Variants in SLX4IP observed in about 807,000 individuals in gnomAD.
The protein encoded by SLX4IP is protein SLX4IP.
In SLX4IP, 34 loss-of-function variants were observed where a neutral mutation model predicts 32.9. That is an observed-to-expected ratio of 1.03 (90% confidence interval 0.79 to 1.38). The LOEUF is 1.38. Ranked by LOEUF, SLX4IP falls within the 40% of genes most tolerant of loss-of-function variation. SLX4IP has a pLI of 0.00. For synonymous variants in SLX4IP, 172 were observed against 171.7 expected, an observed-to-expected ratio of 1.00 and a Z score of -0.01; for missense variants, 444 against 479.0, an observed-to-expected ratio of 0.93 and a Z score of 0.68.
chr20:10,546,010 G>C (rs2066158831), intron 2 of SLX4IP, among the ~76,000 whole-genome samples: 1 of 152,144 alleles, frequency 6.6e-6, no homozygotes, highest in Non-Finnish European at 1.5e-5. Flanking sequence ...TTAATTCTTA[G>C]TTTAAAATCA....
chr20:10,527,420 C>T (rs1600965297), intron 2 of SLX4IP, among the ~76,000 whole-genome samples: 1 of 152,162 alleles, frequency 6.6e-6, no homozygotes, highest in East Asian at 1.9e-4. Context: ...TTCAAGCAGG[C>T]TTTTGGATGC....
chr20:10,495,650 A>G (rs1187865201), intron 2 of SLX4IP, among the ~76,000 whole-genome samples: 2 of 152,190 alleles, frequency 1.3e-5, no homozygotes, highest in Admixed American at 6.5e-5. Flanking sequence ...CTGCACTGCT[A>G]AGTATAAACA....
chr20:10,574,763 C>T (rs1177912880), intron 4 of SLX4IP, among the ~76,000 whole-genome samples: 1 of 152,116 alleles, frequency 6.6e-6, no homozygotes, highest in South Asian at 2.1e-4. Context: ...ACCACCACCT[C>T]CCAGGTTCAG....
chr20:10,624,514 T>C lies in SLX4IP; in HGVS notation c.*1135T>C, dbSNP rs1163828431. 6 of 152,050 alleles carry C rather than the reference T, an allele frequency of 3.9e-5. No homozygotes were observed. The highest frequency in any genetic ancestry group is 1.4e-4 in the African/African-American group (6 of 41,418). 9.4% of individuals were successfully genotyped at this position (152,050 alleles called of 1,614,324 possible). A position where few individuals can be genotyped will look rare whatever the true frequency, so the allele number is the denominator to read the frequency against. ...AGTTTCCAATAACCGAATTTCACTC[T>C]AAAAGAGGAAAGAAACAATATTCAA... On this transcript the variant is annotated 3_prime_UTR_variant, in exon 8 of 8. Coordinates refer to ENST00000334534, the MANE Select transcript of SLX4IP (RefSeq NM_001009608.3).
chr20:10,516,499 G>A (rs1439794522), intron 2 of SLX4IP, among the ~76,000 whole-genome samples: 2 of 152,310 alleles, frequency 1.3e-5, no homozygotes, highest in East Asian at 3.9e-4. Context: ...AGAAATTGCT[G>A]TGGGTTGGCA....
At chr20:10,599,305 T>C (rs1457273083) in intron 5 of SLX4IP, among the ~76,000 whole-genome samples, 2 of 152,216 alleles carry the variant, frequency 1.3e-5, no homozygotes, top group South Asian at 2.1e-4. Context: ...ACAATTTCAG[T>C]ATATATATAA....
intron 4 of SLX4IP, among the ~76,000 whole-genome samples, chr20:10,570,485 G>A (rs964070288): frequency 3.9e-5 from 6 of 152,070 alleles, no homozygotes; most frequent in Admixed American, 3.9e-4. Flanking sequence ...TCTGGGCATC[G>A]TGTACCAAGG....
intron 6 of SLX4IP, among the ~76,000 whole-genome samples, chr20:10,610,648 C>T (rs776410962): frequency 1.6e-4 from 25 of 152,216 alleles, no homozygotes; most frequent in Non-Finnish European, 3.5e-4. Flanking sequence ...TGCCTTTGGT[C>T]TCAGAACAAA....
chr20:10,586,525 TTATG>T (rs1350649211), intron 4 of SLX4IP, among the ~76,000 whole-genome samples: 1 of 152,196 alleles, frequency 6.6e-6, no homozygotes, highest in African/African-American at 2.4e-5. Context: ...GTTTGCTTAT[TTATG>T]TAAGGGTTCC....
rs561824592 is a variant in SLX4IP at position 10,571,004 on chromosome 20, A to G, written c.238+10184A>G. ...ATCACCATATCTGGCTATTTTTTTA[A>G]AAAAATTTTGCAGAGATGGAGTCTC... On this transcript the variant is annotated intron_variant, in intron 4 of 7. Transcript: ENST00000334534. Among the ~76,000 whole-genome samples the G allele has an allele frequency of 3.3e-5, 5 of 151,850 alleles. No individual in the cohort carries two copies. In the East Asian group the frequency reaches 9.8e-4, roughly 30 times the overall value.
chr20:10,445,319 T>TG (rs1475176585), intron 1 of SLX4IP, among the ~76,000 whole-genome samples: 1 of 145,156 alleles, frequency 6.9e-6, no homozygotes, highest in Non-Finnish European at 1.5e-5. Flanking sequence ...TTCTTTTTTT[T>TG]TTTTTTTTTT....
At chr20:10,471,557 T>G (rs1011310169) in intron 2 of SLX4IP, among the ~76,000 whole-genome samples, 3 of 152,204 alleles carry the variant, frequency 2.0e-5, no homozygotes, top group Admixed American at 1.3e-4. Context: ...CAGTTTATAC[T>G]TTGGGCTACA....
At chr20:10,444,024 G>T (rs1421459500) in intron 1 of SLX4IP, among the ~76,000 whole-genome samples, 1 of 152,154 alleles carries the variant, frequency 6.6e-6, no homozygotes, top group Non-Finnish European at 1.5e-5. Context: ...GTCTCAGGTA[G>T]TTCTTTATAG....
At chr20:10,564,362 C>G (rs576953214) in intron 4 of SLX4IP, among the ~76,000 whole-genome samples, 5 of 152,114 alleles carry the variant, frequency 3.3e-5, no homozygotes, top group Non-Finnish European at 7.4e-5. Context: ...TCTCATGTTC[C>G]CTGAAAATAG....
intron 6 of SLX4IP, among the ~76,000 whole-genome samples, chr20:10,606,468 A>G (rs1568768358): frequency 6.6e-6 from 1 of 152,194 alleles, no homozygotes; most frequent in East Asian, 1.9e-4. Context: ...AGTTAAAAAA[A>G]TTTATTTTTC....
chr20:10,616,792 T>G (rs927952995), intron 6 of SLX4IP, among the ~76,000 whole-genome samples: 1 of 152,208 alleles, frequency 6.6e-6, no homozygotes, highest in African/African-American at 2.4e-5. Context: ...GCCCTTTAGA[T>G]GTTTATTTCT....
chr20:10,624,900 T>C lies in SLX4IP; in HGVS notation c.*1521T>C, dbSNP rs1303040832. On this transcript the variant is annotated 3_prime_UTR_variant, in exon 8 of 8. Transcript: ENST00000334534. ...AGCCTGACTGTGGTGGTAGATACTG[T>C]TACTTTAATGTTCCAAACCCTGCCT... 6.6e-6 allele frequency: 1 copy of C among 152,232 alleles called. No homozygotes were observed. Among genetic ancestry groups the C allele is most frequent in the African/African-American group, 2.4e-5 (1 of 41,452 alleles). The allele number at this position is 152,232 out of a possible 1,614,324, so 9.4% of individuals were successfully genotyped here.
chr20:10,583,211 A>G (rs527483972), intron 4 of SLX4IP, among the ~76,000 whole-genome samples: 7 of 152,332 alleles, frequency 4.6e-5, no homozygotes, highest in Admixed American at 4.6e-4. Context: ...TATATAAATG[A>G]TTCAACATAC....
Position 10,507,955 on chromosome 20 carries a change from G to A in SLX4IP, c.28-48276G>A, listed in dbSNP as rs1234050947. Among the ~76,000 whole-genome samples, 11 of 151,126 alleles carry A rather than the reference G, an allele frequency of 7.3e-5. No homozygotes were observed. In the South Asian group the frequency reaches 2.1e-3, roughly 29 times the overall value. On this transcript the variant is annotated intron_variant, in intron 2 of 7. Coordinates refer to ENST00000334534, the MANE Select transcript of SLX4IP (RefSeq NM_001009608.3). ...ATATTTGAGATATATATACACATAT[G>A]TGTATATTTGATATATATATACACA...
Sources: allele counts gnomAD v4.1 joint callset (sites outside exome capture counted in the v4.1 genomes callset), GRCh38; gene constraint gnomAD v4.1.1; transcripts MANE v1.5; gene names NCBI Gene and HGNC (gene_info 2026-07-23, HGNC 2026-07-21).